TJP1: variants seen among roughly 807,000 people sequenced by gnomAD.
The protein encoded by TJP1 is tight junction protein ZO-1.
A neutral mutation model predicts 194.2 loss-of-function variants in TJP1; 43 were observed. The ratio of observed to expected loss-of-function variants is 0.22; its 90% confidence interval spans 0.17 to 0.29. TJP1 has a LOEUF of 0.29. Among genes scored for constraint, TJP1 ranks in the 10% least tolerant of loss-of-function variants. The pLI, the probability that TJP1 is intolerant of heterozygous loss-of-function variation, is 1.00. For missense variants in TJP1, 1,971 were observed against 2,185.7 expected, an observed-to-expected ratio of 0.90 and a Z score of 1.96; for synonymous variants, 801 against 779.0, an observed-to-expected ratio of 1.03 and a Z score of -0.47.
At chr15:29,768,939 A>C (rs1461667219) in intron 4 of TJP1, among the ~76,000 whole-genome samples, 1 of 152,230 alleles carries the variant, frequency 6.6e-6, no homozygotes, top group Non-Finnish European at 1.5e-5. Flanking sequence ...TACAACAGAG[A>C]GGCTTTTGCA....
At chr15:29,852,567 G>C (rs922291109) in intron 2 of TJP1, among the ~76,000 whole-genome samples, 3 of 152,094 alleles carry the variant, frequency 2.0e-5, no homozygotes, top group African/African-American at 7.2e-5. Flanking sequence ...TCCAAAACAC[G>C]CAATTACCAT....
intron 4 of TJP1, among the ~76,000 whole-genome samples, chr15:29,771,642 A>G (rs1487317509): frequency 1.3e-5 from 2 of 152,034 alleles, no homozygotes; most frequent in Non-Finnish European, 2.9e-5. Context: ...TGTCTCTACT[A>G]AAAATACAAA....
At chr15:29,798,908 C>T (rs1404729530) in intron 2 of TJP1, among the ~76,000 whole-genome samples, 2 of 152,256 alleles carry the variant, frequency 1.3e-5, no homozygotes, top group East Asian at 1.9e-4. Context: ...CCTCAAAAGG[C>T]TACATGTTGT....
intron 2 of TJP1, among the ~76,000 whole-genome samples, chr15:29,881,875 T>G (rs1414827595): frequency 6.6e-6 from 1 of 151,960 alleles, no homozygotes; most frequent in Non-Finnish European, 1.5e-5. Flanking sequence ...CTACAGAAAG[T>G]AAAGTGTTCA....
At chr15:29,857,151 A>G (rs1351844445) in intron 2 of TJP1, among the ~76,000 whole-genome samples, 1 of 152,210 alleles carries the variant, frequency 6.6e-6, no homozygotes, top group African/African-American at 2.4e-5. Context: ...ATAAGAAAAT[A>G]AAGAATAATA....
intron 2 of TJP1, among the ~76,000 whole-genome samples, chr15:29,908,187 T>C (rs539645280): frequency 6.6e-6 from 1 of 151,696 alleles, no homozygotes; most frequent in Non-Finnish European, 1.5e-5. Context: ...ATTTTCTATT[T>C]TGAAAGGGCC....
At chr15:29,898,708 T>G (rs921961563) in intron 2 of TJP1, among the ~76,000 whole-genome samples, 54 of 152,242 alleles carry the variant, frequency 3.5e-4, no homozygotes, top group African/African-American at 1.2e-3. Flanking sequence ...CAGAGCATTT[T>G]GGATTTCAGA....
chr15:29,953,042 A>T (rs977838469), intron 2 of TJP1, among the ~76,000 whole-genome samples: 1 of 152,012 alleles, frequency 6.6e-6, no homozygotes, highest in African/African-American at 2.4e-5. Flanking sequence ...TTAGAAAAAC[A>T]ATTCTGAATA....
At chr15:29,880,939 C>T (rs1361724444) in intron 2 of TJP1, among the ~76,000 whole-genome samples, 1 of 152,182 alleles carries the variant, frequency 6.6e-6, no homozygotes, top group East Asian at 1.9e-4. Flanking sequence ...CCTGTTTTCG[C>T]TTCTTTTGGA....
chr15:29,740,230 C>T (rs1197130260), intron 10 of TJP1, among the ~76,000 whole-genome samples: 5 of 152,090 alleles, frequency 3.3e-5, no homozygotes, highest in Non-Finnish European at 5.9e-5. Flanking sequence ...CCGCCTCGGC[C>T]TCCCAAAGTG....
chr15:29,924,171 C>G (rs1415519777), intron 2 of TJP1, among the ~76,000 whole-genome samples: 1 of 152,162 alleles, frequency 6.6e-6, no homozygotes, highest in Non-Finnish European at 1.5e-5. Flanking sequence ...CCTCTCTGGG[C>G]TCAAATGATC....
chr15:29,948,842 G>A (rs529726693), intron 2 of TJP1, among the ~76,000 whole-genome samples: 9 of 152,020 alleles, frequency 5.9e-5, no homozygotes, highest in African/African-American at 9.7e-5. Flanking sequence ...ACCTCAGAAC[G>A]TGAAAGACTC....
chr15:29,761,733 C>A lies in TJP1; in HGVS notation c.730G>T (p.Asp244Tyr). Residue 244 changes from aspartate (D) to tyrosine (Y), a missense_variant, in exon 7 of 28, where the codon GAT (aspartate) becomes TAT (tyrosine). This residue lies in a region of TJP1 where 245 missense variants were observed against 336.6 expected (regional missense o/e 0.73). Coordinates refer to ENST00000614355, the MANE Select transcript of TJP1 (RefSeq NM_001330239.4). ...GTVTENMSLT[D>Y]AKTLIERSKG... The stretch of plus-strand genomic sequence containing the variant: ...GACCTTTCTATCAATGTCTTTGCAT[C>A]TGTCAATGACATATTTTCTGTCACA... 1 of 1,583,942 alleles carries A rather than the reference C, an allele frequency of 6.3e-7. No homozygotes were observed. Among genetic ancestry groups the A allele is most frequent in the Non-Finnish European group, 8.6e-7 (1 of 1,157,198 alleles).
Position 29,741,565 on chromosome 15 carries a change from G to GTTTA in TJP1, c.1151-130_1151-129insTAAA. On this transcript the variant is annotated intron_variant, in intron 9 of 27. Coordinates refer to ENST00000614355, the MANE Select transcript of TJP1 (RefSeq NM_001330239.4). ...GAACATATCTACCATATGTATTAGA[G>GTTTA]TACATTTTATAGTAATAAATTCTGA... 7 of 623,884 alleles carry GTTTA rather than the reference G, an allele frequency of 1.1e-5. No homozygotes were observed. The South Asian group carries it at 1.4e-4, about 13-fold the overall frequency. The allele number at this position is 623,884 out of a possible 1,614,324, so 38.6% of individuals were successfully genotyped here. A position where few individuals can be genotyped will look rare whatever the true frequency, so the allele number is the denominator to read the frequency against.
intron 2 of TJP1, among the ~76,000 whole-genome samples, chr15:29,876,798 G>A (rs923484467): frequency 1.3e-5 from 2 of 152,186 alleles, no homozygotes; most frequent in African/African-American, 4.8e-5. Context: ...CAGAATCCGG[G>A]TGCAATGTAA....
At chr15:29,904,099 T>G (rs1364681656) in intron 2 of TJP1, among the ~76,000 whole-genome samples, 1 of 152,022 alleles carries the variant, frequency 6.6e-6, no homozygotes, top group Non-Finnish European at 1.5e-5. Context: ...TCCATAGATG[T>G]GTTTGGATAA....
At chr15:29,819,793 A>G (rs926581455) in intron 1 of TJP1, among the ~76,000 whole-genome samples, 6 of 152,178 alleles carry the variant, frequency 3.9e-5, no homozygotes, top group African/African-American at 1.4e-4. Context: ...TCCTTCATTA[A>G]GATTCCAGTA....
At chr15:29,738,198 T>C (rs1367902705) in intron 10 of TJP1, among the ~76,000 whole-genome samples, 2 of 152,182 alleles carry the variant, frequency 1.3e-5, no homozygotes, top group Non-Finnish European at 2.9e-5. Context: ...AATTAAAAAT[T>C]ACCCACTATA....
chr15:29,715,263 G>A (rs530366723), intron 23 of TJP1, among the ~76,000 whole-genome samples: 1 of 152,046 alleles, frequency 6.6e-6, no homozygotes, highest in Non-Finnish European at 1.5e-5. Flanking sequence ...TTCTAGTGTT[G>A]TGCTAAGGGG....
Sources: allele counts gnomAD v4.1 joint callset (sites outside exome capture counted in the v4.1 genomes callset), GRCh38; gene constraint gnomAD v4.1.1; regional missense constraint gnomAD v4.1.1; transcripts MANE v1.5; gene names NCBI Gene and HGNC (gene_info 2026-07-23, HGNC 2026-07-21).